Variants in HM13 observed in about 807,000 individuals in gnomAD.
The protein encoded by HM13 is histocompatibility minor 13.
In HM13, 18 loss-of-function variants were observed where a neutral mutation model predicts 50.0. The ratio of observed to expected loss-of-function variants is 0.36; its 90% confidence interval spans 0.25 to 0.53. The LOEUF (loss-of-function observed/expected upper bound fraction) is 0.53. Among genes scored for constraint, HM13 ranks in the 20% least tolerant of loss-of-function variants. The pLI, the probability that HM13 is intolerant of heterozygous loss-of-function variation, is 0.90. For missense variants in HM13, 393 were observed against 552.4 expected, an observed-to-expected ratio of 0.71 and a Z score of 2.89; for synonymous variants, 197 against 232.6, an observed-to-expected ratio of 0.85 and a Z score of 1.39.
chr20:31,552,260 G>A (rs1368856178), intron 7 of HM13, among the ~76,000 whole-genome samples: 1 of 152,102 alleles, frequency 6.6e-6, no homozygotes, highest in Non-Finnish European at 1.5e-5. Context: ...GGGCAATATG[G>A]GCATTTGAAA....
chr20:31,514,466 T>C lies in HM13; in HGVS notation c.-86T>C. On this transcript the variant is annotated 5_prime_UTR_variant, in exon 1 of 13. Coordinates refer to ENST00000398174, the MANE Select transcript of HM13 (RefSeq NM_178581.3). This position sits in a 1 kb window ranked among gnomAD's most constrained non-coding sequence, Gnocchi z 4.3. ...CACTTCCTGTTGCCTTAGGGGAACG[T>C]GGCTTTCCCTGCAGAGCCGGTGTCT... 7.0e-7 allele frequency: 1 copy of C among 1,434,620 alleles called. No homozygotes were observed. Among genetic ancestry groups the C allele is most frequent in the South Asian group, 1.3e-5 (1 of 77,142 alleles). The allele number at this position is 1,434,620 out of a possible 1,614,324, so 88.9% of individuals were successfully genotyped here. A position where few individuals can be genotyped will look rare whatever the true frequency, so the allele number is the denominator to read the frequency against.
intron 7 of HM13, among the ~76,000 whole-genome samples, chr20:31,552,602 T>C (rs559467273): frequency 6.6e-6 from 1 of 152,204 alleles, no homozygotes; most frequent in East Asian, 1.9e-4. Flanking sequence ...GAAGTGCTCA[T>C]ATGCTGACAT....
intron 2 of HM13, among the ~76,000 whole-genome samples, chr20:31,533,900 G>A (rs1412042166): frequency 6.6e-6 from 1 of 152,104 alleles, no homozygotes; most frequent in Admixed American, 6.6e-5. Flanking sequence ...TGTTTTTACA[G>A]GCAGGGTCTT....
At chr20:31,544,903 C>T in intron 3 of HM13, 44 bp from the exon 4 acceptor site, 1 of 1,531,248 alleles carries the variant, frequency 6.5e-7, no homozygotes, top group Non-Finnish European at 9.1e-7. Context: ...GGCTGACTGC[C>T]CATGGGGGCT....
At chr20:31,531,332 C>T (rs1473485114) in intron 2 of HM13, among the ~76,000 whole-genome samples, 1 of 152,114 alleles carries the variant, frequency 6.6e-6, no homozygotes, top group Non-Finnish European at 1.5e-5. Flanking sequence ...AGCCACTGCG[C>T]CCAGCCAAAA....
At chr20:31,523,015 A>G (rs1198598413) in intron 1 of HM13, among the ~76,000 whole-genome samples, 1 of 140,088 alleles carries the variant, frequency 7.1e-6, no homozygotes, top group Non-Finnish European at 1.5e-5. Context: ...GTCACACTAC[A>G]TTATAATAGC....
chr20:31,529,809 A>C (rs1040291631), intron 2 of HM13, among the ~76,000 whole-genome samples: 24 of 152,082 alleles, frequency 1.6e-4, no homozygotes, highest in Non-Finnish European at 7.3e-5. Flanking sequence ...TCTACTAAAA[A>C]TACAAAAATT....
chr20:31,552,983 A>G (rs1984110360), intron 7 of HM13, among the ~76,000 whole-genome samples: 1 of 151,904 alleles, frequency 6.6e-6, no homozygotes, highest in Admixed American at 6.6e-5. Context: ...TCAAATATAT[A>G]TGTATATATG....
intron 1 of HM13, among the ~76,000 whole-genome samples, chr20:31,515,840 C>T (rs1043802351): frequency 6.6e-6 from 1 of 152,168 alleles, no homozygotes; most frequent in Non-Finnish European, 1.5e-5. Context: ...TGCACCTTCC[C>T]GATGCTCCTC....
intron 7 of HM13, among the ~76,000 whole-genome samples, chr20:31,551,248 C>G (rs1465865139): frequency 4.6e-5 from 7 of 152,100 alleles, no homozygotes; most frequent in Non-Finnish European, 8.8e-5. Context: ...GGGTAGAAGG[C>G]TCAGAGTGAG....
At chr20:31,538,631 T>C in intron 3 of HM13, 4 of 1,191,312 alleles carry the variant, frequency 3.4e-6, no homozygotes, top group Non-Finnish European at 4.2e-6. Flanking sequence ...TCCTCACACA[T>C]GATCGTGTTT....
Position 31,540,141 on chromosome 20 carries a change from C to T in HM13, c.365+1880C>T, listed in dbSNP as rs1161290458. The T allele has an allele frequency of 2.6e-5, 4 of 152,314 alleles. No individual in the cohort carries two copies. In the South Asian group the frequency reaches 6.2e-4, roughly 24 times the overall value. 9.4% of individuals were successfully genotyped at this position (152,314 alleles called of 1,614,324 possible). A position where few individuals can be genotyped will look rare whatever the true frequency, so the allele number is the denominator to read the frequency against. On this transcript the variant is annotated intron_variant, in intron 3 of 12. Coordinates refer to ENST00000398174, the MANE Select transcript of HM13 (RefSeq NM_178581.3). ...TCTTCCCACTGAGGTCATTGTTGTC[C>T]TCACCTGCACTGACTCTTCACCCAC...
chr20:31,515,625 G>A (rs879774419), intron 1 of HM13, among the ~76,000 whole-genome samples: 2 of 151,794 alleles, frequency 1.3e-5, no homozygotes, highest in East Asian at 1.9e-4. Flanking sequence ...GGCCCCTCTT[G>A]TGAGACTGGG....
At chr20:31,561,510 C>A in intron 9 of HM13, 124 bp from the exon 10 acceptor site, 1 of 698,928 alleles carries the variant, frequency 1.4e-6, no homozygotes, top group Non-Finnish European at 2.6e-6. Flanking sequence ...CTCCAGACTC[C>A]CAGCCCAGAG....
chr20:31,550,261 T>TA, intron 7 of HM13, 140 bp downstream of exon 7: 1 of 684,352 alleles, frequency 1.5e-6, no homozygotes, highest in East Asian at 2.6e-5. Context: ...CTGGTTTCCT[T>TA]ATCCTCAATT....
intron 7 of HM13, 111 bp from the exon 8 acceptor site, chr20:31,554,635 T>C (rs1441598587): frequency 1.3e-6 from 1 of 789,898 alleles, no homozygotes; most frequent in Admixed American, 2.3e-5. Context: ...TGAGCCGAGA[T>C]TGCGCCACTG....
At chr20:31,563,515 G>C (rs1221839704) in intron 10 of HM13, 1 of 151,900 alleles carries the variant, frequency 6.6e-6, no homozygotes, top group African/African-American at 2.4e-5. Flanking sequence ...GTAGAGACAG[G>C]GTATCACCAT....
chr20:31,514,770 C>T lies in HM13; in HGVS notation c.183+36C>T. On this transcript the variant is annotated intron_variant, in intron 1 of 12. Coordinates refer to ENST00000398174, the MANE Select transcript of HM13 (RefSeq NM_178581.3). The surrounding 1 kb of genome is among the most constrained non-coding windows in gnomAD (Gnocchi z 4.3). ...CGGGAAAACCGGGCACTTTCCACCC[C>T]CATACCGAACACGGCCGACATGGAC... 1 of 1,481,638 alleles carries T rather than the reference C, an allele frequency of 6.7e-7. No homozygotes were observed. Among genetic ancestry groups the T allele is most frequent in the African/African-American group, 1.4e-5 (1 of 71,448 alleles). 91.8% of individuals were successfully genotyped at this position (1,481,638 alleles called of 1,614,324 possible). A position where few individuals can be genotyped will look rare whatever the true frequency, so the allele number is the denominator to read the frequency against.
At chr20:31,564,296 G>A (rs1984772384) in intron 10 of HM13, among the ~76,000 whole-genome samples, 1 of 151,994 alleles carries the variant, frequency 6.6e-6, no homozygotes, top group African/African-American at 2.4e-5. Context: ...TGCTGGGGAG[G>A]CCAGGCACGA....
Sources: allele counts gnomAD v4.1 joint callset (sites outside exome capture counted in the v4.1 genomes callset), GRCh38; gene constraint gnomAD v4.1.1; non-coding constraint Gnocchi (gnomAD v3.1); transcripts MANE v1.5; gene names NCBI Gene and HGNC (gene_info 2026-07-23, HGNC 2026-07-21).